Variants in PNKD observed in about 807,000 individuals in gnomAD.
PNKD encodes the protein probable thioesterase PNKD.
Under a neutral mutation model 45.3 loss-of-function variants are expected in PNKD, and 36 were observed. That is an observed-to-expected ratio of 0.80 (90% CI 0.61 to 1.05). PNKD has a LOEUF of 1.05. Among genes scored for constraint, PNKD ranks in the 50% least tolerant of loss-of-function variants. The pLI, the probability that PNKD is intolerant of heterozygous loss-of-function variation, is 0.00. For synonymous variants in PNKD, 197 were observed against 210.1 expected (o/e 0.94, Z 0.54); for missense variants, 511 against 506.6 (o/e 1.01, Z -0.08).
intron 2 of PNKD, among the ~76,000 whole-genome samples, chr2:218,335,482 GA>G (rs895615590): frequency 5.4e-5 from 8 of 148,506 alleles, no homozygotes; most frequent in African/African-American, 1.7e-4. Flanking sequence ...ACTCCATCTG[GA>G]AAAAAAAAAT....
intron 2 of PNKD, chr2:218,272,892 A>C: frequency 1.2e-5 from 19 of 1,574,544 alleles, no homozygotes; most frequent in Non-Finnish European, 1.6e-5. Context: ...ACCCTGCCCC[A>C]CACCAAGGAG....
At position 218,280,174 on chromosome 2, in the gene PNKD, C is replaced by A. The variant is rs756070471; in HGVS notation, c.236+8625C>A. On this transcript the variant is annotated intron_variant, in intron 2 of 9. Transcript: ENST00000273077. ...TCAGCTGGGGACCTGAGACATGTGG[C>A]GTCAATCCCAAAGCCTCCCTGACAA... The A allele has an allele frequency of 2.2e-6, 3 of 1,372,484 alleles. No homozygotes were observed. The African/African-American group carries it at 4.3e-5, about 20-fold the overall frequency. 85.0% of individuals were successfully genotyped at this position (1,372,484 alleles called of 1,614,324 possible).
At chr2:218,324,313 G>A (rs758441821) in intron 2 of PNKD, among the ~76,000 whole-genome samples, 4 of 152,202 alleles carry the variant, frequency 2.6e-5, no homozygotes, top group Non-Finnish European at 5.9e-5. Context: ...AATTGTGAGA[G>A]CCCTGGCCAC....
At chr2:218,297,096 C>T (rs1693156594) in intron 2 of PNKD, among the ~76,000 whole-genome samples, 2 of 152,214 alleles carry the variant, frequency 1.3e-5, no homozygotes, top group Admixed American at 6.5e-5. Context: ...ACCCCTAGGC[C>T]TGGGCACGGC....
intron 2 of PNKD, chr2:218,279,534 C>T (rs1457174755): frequency 5.4e-6 from 3 of 553,868 alleles, no homozygotes; most frequent in Non-Finnish European, 9.5e-6. Context: ...CAGCCCCGCT[C>T]CCATGCTCCC....
At chr2:218,342,645 A>G (rs145525054) in intron 7 of PNKD, among the ~76,000 whole-genome samples, 336 of 152,230 alleles carry the variant, frequency 2.2e-3, no homozygotes, top group African/African-American at 7.8e-3. Flanking sequence ...GGTTGCAGCG[A>G]GCTGAGATCG....
At chr2:218,272,875 A>G (rs751019194) in intron 2 of PNKD, 37 of 1,595,740 alleles carry the variant, frequency 2.3e-5, no homozygotes, top group Non-Finnish European at 3.1e-5. Context: ...GGCTGTTGCC[A>G]AACCCTACCC....
chr2:218,334,175 A>G (rs2106286592), intron 2 of PNKD, among the ~76,000 whole-genome samples: 1 of 152,116 alleles, frequency 6.6e-6, no homozygotes, highest in African/African-American at 2.4e-5. Context: ...TCAAAATAGT[A>G]TATAGCATTC....
chr2:218,277,486 A>G (rs1302862745), intron 2 of PNKD: 1 of 1,612,138 alleles, frequency 6.2e-7, no homozygotes, highest in Admixed American at 1.7e-5. Flanking sequence ...GACAAGAGGC[A>G]TTAAGCCACG....
chr2:218,273,476 C>CTT (rs1690942478), intron 2 of PNKD, among the ~76,000 whole-genome samples: 1 of 86,854 alleles, frequency 1.2e-5, no homozygotes, highest in African/African-American at 4.1e-5. Flanking sequence ...TTTTTTTTTA[C>CTT]TTATTTTTTT....
chr2:218,273,091 C>CCCGGGCCCTCGGGA (rs1690915819), intron 2 of PNKD: 2 of 500,816 alleles, frequency 4.0e-6, no homozygotes, highest in South Asian at 2.3e-5. Flanking sequence ...CAGCCTAGGC[C>CCCGGGCCCTCGGGA]CCGGGCCCTC....
chr2:218,272,976 A>T lies in PNKD; in HGVS notation c.236+1427A>T. The T allele has an allele frequency of 4.3e-6, 6 of 1,396,438 alleles. No homozygotes were observed. The South Asian group carries it at 8.7e-5, about 20-fold the overall frequency. 86.5% of individuals were successfully genotyped at this position (1,396,438 alleles called of 1,614,324 possible). ...GGTCTGGGTTTGTGAGTCCCTTGGG[A>T]TGGGAGGGGCAGAGGGTGGGGCTGG... is the stretch of plus-strand genomic sequence containing the variant. On this transcript the variant is annotated intron_variant, in intron 2 of 9. Transcript: ENST00000273077.
chr2:218,304,791 C>T (rs1482913973), intron 2 of PNKD, among the ~76,000 whole-genome samples: 1 of 152,142 alleles, frequency 6.6e-6, no homozygotes, highest in Admixed American at 6.5e-5. Flanking sequence ...AGTGGGGCGA[C>T]TGGCCGGGCA....
At chr2:218,294,515 T>G (rs12478764) in intron 2 of PNKD, among the ~76,000 whole-genome samples, 1 of 152,314 alleles carries the variant, frequency 6.6e-6, no homozygotes, top group South Asian at 2.1e-4. Flanking sequence ...TTTTTTGAGA[T>G]GGAATCTCAC....
intron 2 of PNKD, chr2:218,275,716 CA>C: frequency 1.4e-6 from 2 of 1,448,730 alleles, no homozygotes; most frequent in Non-Finnish European, 1.9e-6. Flanking sequence ...CTATGCGCCA[CA>C]CAGTGCTTAG....
rs747883939 is a variant in PNKD at position 218,277,910 on chromosome 2, C to A, written c.236+6361C>A. On this transcript the variant is annotated intron_variant, in intron 2 of 9. Transcript: ENST00000273077. The stretch of plus-strand genomic sequence containing the variant: ...AGTCTCCCTCACAGCATCTCCACAC[C>A]CTCCTGCCACCCTTCTAGACTTACA... 19 of 1,613,982 alleles carry A rather than the reference C, an allele frequency of 1.2e-5. No homozygotes were observed. In the South Asian group the frequency reaches 2.1e-4, roughly 18 times the overall value.
At chr2:218,325,106 G>A (rs1329350634) in intron 2 of PNKD, among the ~76,000 whole-genome samples, 1 of 140,720 alleles carries the variant, frequency 7.1e-6, no homozygotes, top group Non-Finnish European at 1.5e-5. Flanking sequence ...TCACCGTGTT[G>A]GTCAGGCTGG....
intron 2 of PNKD, chr2:218,277,720 C>T (rs1691374801): frequency 6.2e-7 from 1 of 1,611,994 alleles, no homozygotes; most frequent in Admixed American, 1.7e-5. Flanking sequence ...GGAAGGAAGG[C>T]AGGGTGCTGG....
At chr2:218,339,721 C>A (rs745895912) in intron 2 of PNKD, 62 bp from the exon 3 acceptor site, 2 of 983,760 alleles carry the variant, frequency 2.0e-6, no homozygotes, top group Non-Finnish European at 3.3e-6. Flanking sequence ...GCAGGCATCA[C>A]GAAGGAGTCT....
Sources: gnomAD v4.1 joint callset for allele counts (sites outside exome capture counted in the v4.1 genomes callset) on GRCh38, gnomAD v4.1.1 for gene constraint, MANE v1.5 for transcripts, NCBI Gene and HGNC (gene_info 2026-07-23, HGNC 2026-07-21) for gene names.